Variants in COL4A5 observed in about 807,000 individuals in gnomAD.
COL4A5 encodes collagen type IV alpha 5 chain.
COL4A5 carries 26 observed loss-of-function variants against 130.2 expected under a neutral mutation model. The ratio of observed to expected loss-of-function variants is 0.20; its 90% CI spans 0.15 to 0.28. The LOEUF (loss-of-function observed/expected upper bound fraction) is 0.28. Among genes scored for constraint, COL4A5 ranks in the 10% least tolerant of loss-of-function variants. The pLI, the probability that COL4A5 is intolerant of heterozygous loss-of-function variation, is 1.00. For missense variants in COL4A5, 1,131 were observed against 1,344.3 expected (o/e 0.84, Z 2.48); for synonymous variants, 496 against 439.6 (o/e 1.13, Z -1.60).
intron 1 of COL4A5, among the ~76,000 whole-genome samples, chrX:108,473,633 A>ATATATATATATATATATAT: frequency 2.9e-4 from 10 of 34,560 alleles, no homozygotes; most frequent in South Asian, 1.3e-3. Context: ...ATATATATAT[A>ATATATATATATATATATAT]TTTTTTTTTT....
intron 1 of COL4A5, among the ~76,000 whole-genome samples, chrX:108,522,878 T>C (rs1603263456): frequency 9.7e-6 from 1 of 103,364 alleles, no homozygotes; most frequent in South Asian, 4.1e-4. Flanking sequence ...AAAAAAAAAT[T>C]ACTTTTTTTT....
In COL4A5 at chrX:108,586,664, TTGGGTTGCC is replaced by T. The variant is rs765552839; in HGVS notation, c.1095_1103del (p.Leu366_Gly368del). The stretch of plus-strand genomic sequence containing the variant: ...ATAACTATAGGAGAAAAAGGAAACA[TTGGGTTGCC>T]TGGGTTGCCTGGAGAAAAAGGAGAG... On this transcript the variant is annotated inframe_deletion, in exon 19 of 53. Coordinates refer to ENST00000328300, the MANE Select transcript of COL4A5 (RefSeq NM_033380.3). The T allele has an allele frequency of 1.3e-4, 160 of 1,205,518 alleles. No homozygotes were observed. The South Asian group carries it at 2.7e-3, about 21-fold the overall frequency.
At chrX:108,532,399 CAACA>C (rs1022342201) in intron 1 of COL4A5, among the ~76,000 whole-genome samples, 34 of 111,304 alleles carry the variant, frequency 3.1e-4, no homozygotes, top group African/African-American at 9.1e-4. Flanking sequence ...TTGAAACTCT[CAACA>C]AACTAGGCAT....
At chrX:108,619,481 T>C (rs754277191) in intron 30 of COL4A5, among the ~76,000 whole-genome samples, 9 of 111,677 alleles carry the variant, frequency 8.1e-5, no homozygotes, top group Non-Finnish European at 7.5e-5. Context: ...GTAATTCTTT[T>C]CCCATAAACA....
chrX:108,627,419 A>T, intron 36 of COL4A5: 1 of 738,126 alleles, frequency 1.4e-6, no homozygotes, highest in Non-Finnish European at 1.6e-6. Context: ...TTTTTTCTAC[A>T]CATTGTGTAT....
intron 1 of COL4A5, among the ~76,000 whole-genome samples, chrX:108,490,083 A>G (rs889292446): frequency 3.9e-4 from 44 of 111,850 alleles, no homozygotes; most frequent in African/African-American, 1.3e-3. Context: ...TAACCAGGAT[A>G]CTAATAGTAA....
At chrX:108,675,581 T>C (rs1480778081) in intron 43 of COL4A5, among the ~76,000 whole-genome samples, 1 of 111,426 alleles carries the variant, frequency 9.0e-6, no homozygotes, top group Non-Finnish European at 1.9e-5. Context: ...GAGAAGGGAA[T>C]TTCTGTGTTG....
At chrX:108,677,706 G>A in intron 44 of COL4A5, 73 bp downstream of exon 44, 1 of 1,124,101 alleles carries the variant, frequency 8.9e-7, no homozygotes, top group Non-Finnish European at 1.2e-6. Context: ...ATTCTAAGCT[G>A]CATCATTTTA....
At chrX:108,688,214 G>A (rs947831812) in intron 49 of COL4A5, among the ~76,000 whole-genome samples, 3 of 111,612 alleles carry the variant, frequency 2.7e-5, no homozygotes, top group African/African-American at 9.8e-5. Flanking sequence ...GTCATTTAAA[G>A]CTATATAAAG....
intron 1 of COL4A5, among the ~76,000 whole-genome samples, chrX:108,480,445 C>T (rs764164566): frequency 8.9e-6 from 1 of 112,856 alleles, no homozygotes; most frequent in East Asian, 2.8e-4. Flanking sequence ...AGCATAATGT[C>T]ATCAACATAA....
intron 36 of COL4A5, among the ~76,000 whole-genome samples, chrX:108,634,832 T>G (rs1043006666): frequency 9.0e-6 from 1 of 111,271 alleles, no homozygotes; most frequent in African/African-American, 3.3e-5. Context: ...AAGATCACTT[T>G]ACATGATTTT....
chrX:108,487,513 A>C (rs755874203), intron 1 of COL4A5, among the ~76,000 whole-genome samples: 1 of 110,140 alleles, frequency 9.1e-6, no homozygotes, highest in Admixed American at 9.6e-5. Context: ...ATGGTATCAC[A>C]TGGTGGTTTT....
intron 1 of COL4A5, among the ~76,000 whole-genome samples, chrX:108,514,298 C>T (rs1209117737): frequency 3.6e-5 from 4 of 112,117 alleles, no homozygotes; most frequent in Non-Finnish European, 7.5e-5. Context: ...TTTATCTGAA[C>T]CATTAAAGTC....
chrX:108,525,028 A>C (rs1308113547), intron 1 of COL4A5, among the ~76,000 whole-genome samples: 5 of 111,882 alleles, frequency 4.5e-5, no homozygotes, highest in Non-Finnish European at 9.4e-5. Context: ...GTGTTGTTCA[A>C]GTCCTCTATT....
At position 108,472,471 on chromosome X, in the gene COL4A5, T is replaced by A. The variant is rs781153105; in HGVS notation, c.81+32265T>A. Among the ~76,000 whole-genome samples the A allele has an allele frequency of 3.6e-5, 4 of 112,099 alleles. No individual in the cohort carries two copies. The South Asian group carries it at 1.5e-3, about 42-fold the overall frequency. On this transcript the variant is annotated intron_variant, in intron 1 of 52. Coordinates refer to ENST00000328300, the MANE Select transcript of COL4A5 (RefSeq NM_033380.3). ...TAGAACTGTCTATTTCTTTTTTAAA[T>A]TCTGTCAAGATTTGCTTCCTATATT... is the stretch of plus-strand genomic sequence containing the variant.
chrX:108,640,065 G>C (rs766567094), intron 36 of COL4A5, among the ~76,000 whole-genome samples: 16 of 111,695 alleles, frequency 1.4e-4, no homozygotes, highest in Non-Finnish European at 2.5e-4. Context: ...AAACAAAAAT[G>C]GGACCTCAAA....
At chrX:108,510,861 T>G (rs1460875646) in intron 1 of COL4A5, among the ~76,000 whole-genome samples, 2 of 104,346 alleles carry the variant, frequency 1.9e-5, no homozygotes, top group Non-Finnish European at 3.8e-5. Context: ...ATTTTTTAAT[T>G]GACAATAATT....
intron 1 of COL4A5, among the ~76,000 whole-genome samples, chrX:108,485,716 G>C (rs988044408): frequency 9.1e-6 from 1 of 109,523 alleles, no homozygotes; most frequent in African/African-American, 3.3e-5. Flanking sequence ...CTTCCCTCTC[G>C]TCTCCTCAAG....
chrX:108,536,243 T>A (rs1354375749), intron 1 of COL4A5, among the ~76,000 whole-genome samples: 2 of 107,584 alleles, frequency 1.9e-5, no homozygotes, highest in African/African-American at 3.6e-5. Flanking sequence ...TGACGTCAAC[T>A]TTTATCATAT....
Sources: allele counts gnomAD v4.1 joint callset (sites outside exome capture counted in the v4.1 genomes callset), GRCh38; gene constraint gnomAD v4.1.1; transcripts MANE v1.5; gene names NCBI Gene and HGNC (gene_info 2026-07-23, HGNC 2026-07-21).